Variants in ASS1 observed in about 807,000 individuals in gnomAD.
ASS1 encodes argininosuccinate synthase.
Under a neutral mutation model 60.5 loss-of-function variants are expected in ASS1, and 58 were observed. The observed-to-expected ratio is 0.96, with a 90% CI of 0.78 to 1.19. The LOEUF is 1.19. Ranked by LOEUF, ASS1 falls within the 50% of genes most tolerant of loss-of-function variation. ASS1 has a pLI of 0.00. For synonymous variants in ASS1, 200 were observed against 206.9 expected (o/e 0.97, Z 0.29); for missense variants, 454 against 547.3 (o/e 0.83, Z 1.70).
chr9:130,471,307 G>A (rs575667806), intron 7 of ASS1, among the ~76,000 whole-genome samples, 178 bp from the exon 8 acceptor site: 5 of 152,324 alleles, frequency 3.3e-5, no homozygotes, highest in Admixed American at 3.3e-4. Context: ...CTTACAACCT[G>A]CAGCTCCACG....
chr9:130,458,290 C>T (rs1786162312), intron 3 of ASS1, 111 bp from the exon 4 acceptor site: 1 of 1,213,820 alleles, frequency 8.2e-7, no homozygotes, highest in Non-Finnish European at 1.2e-6. Flanking sequence ...GCACCAGGTA[C>T]AGCGGGGGTG....
At chr9:130,483,419 G>A (rs530029808) in intron 11 of ASS1, among the ~76,000 whole-genome samples, 95 of 151,904 alleles carry the variant, frequency 6.3e-4, no homozygotes, top group Non-Finnish European at 1.1e-3. Context: ...AGTCAGCGGC[G>A]CTCAGGGTCA....
intron 4 of ASS1, 67 bp from the exon 5 acceptor site, chr9:130,464,044 A>C (rs950301560): frequency 2.9e-5 from 46 of 1,568,352 alleles, no homozygotes; most frequent in Non-Finnish European, 3.6e-5. Flanking sequence ...CCTTGTCCTC[A>C]CGTCCTCCCC....
intron 13 of ASS1, among the ~76,000 whole-genome samples, chr9:130,499,191 C>T (rs1216897041): frequency 6.6e-6 from 1 of 152,176 alleles, no homozygotes; most frequent in Non-Finnish European, 1.5e-5. Context: ...AGACAGAGTG[C>T]TCTGGTTGGT....
rs941947519 is a variant in ASS1, at chr9:130,489,033, A to T, written c.839-300A>T. Among the ~76,000 whole-genome samples the T allele has an allele frequency of 3.9e-5, 6 of 151,990 alleles. No individual in the cohort carries two copies. Among genetic ancestry groups the T allele is most frequent in the African/African-American group, 1.4e-4 (6 of 41,400 alleles). On this transcript the variant is annotated intron_variant, in intron 11 of 14. Transcript: ENST00000352480. This position sits in a 1 kb window ranked among gnomAD's most constrained non-coding sequence, Gnocchi z 4.1. Reference sequence around the variant, plus strand: ...TTCAACCTCGGGCCGGTGGGCACGCATGGGGAGGGAGGGGTTGCTGCTCCG... The same window carrying T: ...TTCAACCTCGGGCCGGTGGGCACGCTTGGGGAGGGAGGGGTTGCTGCTCCG...
intron 12 of ASS1, among the ~76,000 whole-genome samples, chr9:130,490,468 C>T (rs894327967): frequency 3.2e-4 from 49 of 152,142 alleles, no homozygotes; most frequent in African/African-American, 1.1e-3. Context: ...CATGCGCCAC[C>T]ATGCCTGGCT....
At position 130,459,134 on chromosome 9, in the gene ASS1, C is replaced by T. The variant is rs1214413649; in HGVS notation, c.363+545C>T. ...TGGCTTAGAACACAGAACTGTTCTG[C>T]CTCATGGTTCTGGAGGCCTGAGGTC... is the stretch of plus-strand genomic sequence containing the variant. On this transcript the variant is annotated intron_variant, in intron 4 of 14. Transcript: ENST00000352480. This position sits in a 1 kb window ranked among gnomAD's most constrained non-coding sequence, Gnocchi z 4.6. 3.3e-5 allele frequency among the ~76,000 whole-genome samples: 5 copies of T among 152,154 alleles called. No homozygotes were observed. The highest frequency in any genetic ancestry group is 1.2e-4 in the African/African-American group (5 of 41,446).
At position 130,489,792 on chromosome 9, in the gene ASS1, A is replaced by C. The variant is rs983530721; in HGVS notation, c.970+328A>C. The stretch of plus-strand genomic sequence containing the variant: ...CAGGCACTGGGCACTGTGCGGCGAC[A>C]TGCATCACCCCGCATGGTCCTCACA... On this transcript the variant is annotated intron_variant, in intron 12 of 14. Transcript: ENST00000352480. The surrounding 1 kb of genome is among the most constrained non-coding windows in gnomAD (Gnocchi z 4.1). Among the ~76,000 whole-genome samples the C allele has an allele frequency of 1.3e-5, 2 of 152,212 alleles. No homozygotes were observed. The highest frequency in any genetic ancestry group is 4.8e-5 in the African/African-American group (2 of 41,460).
At chr9:130,445,054 G>C in intron 1 of ASS1, 59 bp downstream of exon 1, 1 of 713,946 alleles carries the variant, frequency 1.4e-6, no homozygotes, top group South Asian at 6.3e-5. Flanking sequence ...CCCGCTTCCC[G>C]GGCCCAGAGG....
intron 4 of ASS1, among the ~76,000 whole-genome samples, chr9:130,461,069 CG>C (rs1439615871): frequency 6.6e-5 from 10 of 152,040 alleles, no homozygotes; most frequent in African/African-American, 2.4e-4. Context: ...AGAGCTGGAT[CG>C]TGAGCTTCCT....
chr9:130,495,676 C>A (rs766001748), intron 13 of ASS1, among the ~76,000 whole-genome samples: 7 of 151,978 alleles, frequency 4.6e-5, no homozygotes, highest in Non-Finnish European at 1.0e-4. Flanking sequence ...TTTAGAGGGT[C>A]CTCCTGGCTG....
rs73544042 is a variant in ASS1, at chr9:130,485,536, G to C, written c.839-3797G>C. On this transcript the variant is annotated intron_variant, in intron 11 of 14. Coordinates refer to ENST00000352480, the MANE Select transcript of ASS1 (RefSeq NM_054012.4). ...ACTGCCCTACAGTTGGCCGAGCTGA[G>C]GACAGAAAAGCAGGGAGGCGGGCCT... Among the ~76,000 whole-genome samples, 405 of 152,256 alleles carry C rather than the reference G, an allele frequency of 2.7e-3. 3 individuals carry two copies. The highest frequency in any genetic ancestry group is 9.4e-3 in the African/African-American group (391 of 41,530).
intron 12 of ASS1, among the ~76,000 whole-genome samples, chr9:130,493,546 C>G (rs1846504345): frequency 6.6e-6 from 1 of 152,214 alleles, no homozygotes; most frequent in Non-Finnish European, 1.5e-5. Flanking sequence ...TCCCAGAAGC[C>G]TGTCCCCTTT....
intron 5 of ASS1, among the ~76,000 whole-genome samples, chr9:130,465,056 A>ATATATATATATATATTTTTTTT (rs1479147331): frequency 8.3e-6 from 1 of 120,150 alleles, no homozygotes; most frequent in African/African-American, 3.6e-5. Flanking sequence ...ATATATATAT[A>ATATATATATATATATTTTTTTT]TTTTTTTTTT....
intron 3 of ASS1, among the ~76,000 whole-genome samples, chr9:130,457,338 G>A (rs1416146830): frequency 6.6e-6 from 1 of 152,104 alleles, no homozygotes; most frequent in East Asian, 1.9e-4. Context: ...GGGCGTGGTA[G>A]CACATGCCCG....
In ASS1 at chr9:130,458,473, T is replaced by C. The variant is rs753659761; in HGVS notation, c.247T>C (p.Tyr83His). 26 of 1,612,244 alleles carry C rather than the reference T, an allele frequency of 1.6e-5. No individual in the cohort carries two copies. The highest frequency in any genetic ancestry group is 2.1e-5 in the Non-Finnish European group (25 of 1,179,854). Residue 83 changes from tyrosine to histidine, a missense_variant, in exon 4 of 15, where the codon TAT becomes CAT. Transcript: ENST00000352480. ...IWPAIQSSAL[Y>H]EDRYLLGTSL... is the part of the protein sequence containing the mutation. ...GCCGGCCATCCAGTCCAGCGCACTG[T>C]ATGAGGACCGCTACCTCCTGGGCAC... is the stretch of plus-strand genomic sequence containing the variant.
rs950948162 is a variant in ASS1 at position 130,501,220 on chromosome 9, G to A, written c.*199G>A. 20 of 610,204 alleles carry A rather than the reference G, an allele frequency of 3.3e-5. No individual in the cohort carries two copies. The South Asian group carries it at 3.7e-4, about 11-fold the overall frequency. 37.8% of individuals were successfully genotyped at this position (610,204 alleles called of 1,614,324 possible). A position where few individuals can be genotyped will look rare whatever the true frequency, so the allele number is the denominator to read the frequency against. On this transcript the variant is annotated 3_prime_UTR_variant, in exon 15 of 15. Transcript: ENST00000352480. ...TCGAAGGGAAGGGTGGGGGGCAGCT[G>A]CGGTGGGGAGCTATAAAAATGACAA...
In ASS1 at chr9:130,477,337, G is replaced by A. The variant is rs1028709218; in HGVS notation, c.688+376G>A. On this transcript the variant is annotated intron_variant, in intron 9 of 14. Transcript: ENST00000352480. The surrounding 1 kb of genome is among the most constrained non-coding windows in gnomAD (Gnocchi z 4.2). ...CTGGGGTAGAATGAGGCCTGCAAGG[G>A]AGCGTCCAGCCCTGGGCCCTGACCC... Among the ~76,000 whole-genome samples the A allele has an allele frequency of 6.6e-5, 10 of 152,166 alleles. 1 individual carries two copies. The highest frequency in any genetic ancestry group is 2.4e-4 in the African/African-American group (10 of 41,438).
intron 3 of ASS1, among the ~76,000 whole-genome samples, chr9:130,456,756 C>G (rs987762340): frequency 6.6e-6 from 1 of 151,938 alleles, no homozygotes; most frequent in African/African-American, 2.4e-5. Flanking sequence ...TTGAGACCAG[C>G]CTGGCCAACC....
Sources: gnomAD v4.1 joint callset for allele counts (sites outside exome capture counted in the v4.1 genomes callset) on GRCh38, gnomAD v4.1.1 for gene constraint, Gnocchi (gnomAD v3.1) non-coding constraint, MANE v1.5 for transcripts, NCBI Gene and HGNC (gene_info 2026-07-23, HGNC 2026-07-21) for gene names.